Variants in PFN3 observed in about 807,000 individuals in gnomAD.
PFN3 encodes the protein profilin 3.
Under a neutral mutation model 6.2 loss-of-function variants are expected in PFN3, and 7 were observed. The ratio of observed to expected loss-of-function variants is 1.13; its 90% CI spans 0.64 to 2.13. The LOEUF (loss-of-function observed/expected upper bound fraction) is 2.13. Among genes scored for constraint, PFN3 ranks in the 30% most tolerant of loss-of-function variants. The pLI, the probability that PFN3 is intolerant of heterozygous loss-of-function variation, is 0.00. For synonymous variants in PFN3, 112 were observed against 97.7 expected, an observed-to-expected ratio of 1.15 and a Z score of -0.87; for missense variants, 251 against 209.3, an observed-to-expected ratio of 1.20 and a Z score of -1.23.
In PFN3 at chr5:177,400,111, C is replaced by A; in HGVS notation, c.*52G>T. The A allele has an allele frequency of 6.3e-7, 1 of 1,594,434 alleles. No individual in the cohort carries two copies. The highest frequency in any genetic ancestry group is 2.3e-5 in the East Asian group (1 of 44,218). Reference sequence around the variant, plus strand: ...AAGTGGAGGAGGAGCCAGCCGCGCCCAGGTCACAGTTTATTTGGCCCGCGC... The same window carrying A: ...AAGTGGAGGAGGAGCCAGCCGCGCCAAGGTCACAGTTTATTTGGCCCGCGC... On this transcript the variant is annotated 3_prime_UTR_variant, in exon 1 of 1. Transcript: ENST00000358571.
Position 177,400,363 on chromosome 5 carries a change from A to G in PFN3, c.214T>C (p.Cys72Arg), listed in dbSNP as rs1396609027. 6.5e-7 allele frequency: 1 copy of G among 1,537,012 alleles called. No individual in the cohort carries two copies. Among genetic ancestry groups the G allele is most frequent in the East Asian group, 2.5e-5 (1 of 40,104 alleles). ...GCCAGCAGGTGGTCGCGGATGACGC[A>G]GCAGCGGCGGCCCCCCACGCTCAGG... is the stretch of plus-strand genomic sequence containing the variant. ...AGLSVGGRRC[C>R]VIRDHLLAEG... Residue 72 changes from cysteine (C) to arginine (R), a missense_variant, in exon 1 of 1, where the codon TGC (cysteine) becomes CGC (arginine). Coordinates refer to ENST00000358571, the MANE Select transcript of PFN3 (RefSeq NM_001029886.3).
chr5:177,400,411 T>C lies in PFN3; in HGVS notation c.166A>G (p.Arg56Gly), dbSNP rs749386583. The change falls in exon 1 of 1, where the codon AGG (arginine) becomes GGG (glycine). Residue 56 changes from arginine to glycine, a missense_variant. Coordinates refer to ENST00000358571, the MANE Select transcript of PFN3 (RefSeq NM_001029886.3). ...QEVGVLTGPD[R>G]HTFLQAGLSV... ...AGGCCCGCCTGCAGGAAGGTGTGCC[T>C]GTCCGGCCCCGTGAGCACGCCCACC... 3 of 1,540,632 alleles carry C rather than the reference T, an allele frequency of 1.9e-6. No individual in the cohort carries two copies. The highest frequency in any genetic ancestry group is 2.4e-5 in the South Asian group (2 of 84,410).
Position 177,400,556 on chromosome 5 carries a change from G to A in PFN3, c.21C>T (p.Tyr7=), listed in dbSNP as rs929256784. MGDWKV[Y]ISAVLRDQRI... ...GCTGGTCCCGCAGCACTGCACTGAT[G>A]TAGACCTTCCAGTCGCCCATCGCGC... is the stretch of plus-strand genomic sequence containing the variant. The change falls in exon 1 of 1, where the codon TAC becomes TAT. Residue 7 remains tyrosine, a synonymous_variant. Coordinates refer to ENST00000358571, the MANE Select transcript of PFN3 (RefSeq NM_001029886.3). 4 of 1,596,464 alleles carry A rather than the reference G, an allele frequency of 2.5e-6. No homozygotes were observed. Among genetic ancestry groups the A allele is most frequent in the East Asian group, 4.5e-5 (2 of 44,706 alleles).
Position 177,400,393 on chromosome 5 carries a change from C to T in PFN3, c.184G>A (p.Ala62Thr), listed in dbSNP as rs1265352027. ...TGPDRHTFLQ[A>T]GLSVGGRRCC... The stretch of plus-strand genomic sequence containing the variant: ...CGGCGGCCCCCCACGCTCAGGCCCG[C>T]CTGCAGGAAGGTGTGCCTGTCCGGC... Residue 62 changes from alanine to threonine, a missense_variant, in exon 1 of 1, where the codon GCG (alanine) becomes ACG (threonine). Ala to Thr is a moderately conservative substitution (Grantham distance 58, BLOSUM62 0). Coordinates refer to ENST00000358571, the MANE Select transcript of PFN3 (RefSeq NM_001029886.3). 1.1e-5 allele frequency: 17 copies of T among 1,540,368 alleles called. No individual in the cohort carries two copies. The highest frequency in any genetic ancestry group is 1.2e-5 in the Non-Finnish European group (14 of 1,144,816).
chr5:177,400,316 G>T lies in PFN3; in HGVS notation c.261C>A (p.Asp87Glu), dbSNP rs1316968775. 1 of 1,561,618 alleles carries T rather than the reference G, an allele frequency of 6.4e-7. No homozygotes were observed. The highest frequency in any genetic ancestry group is 1.4e-5 in the African/African-American group (1 of 72,234). The change falls in exon 1 of 1, where the codon GAC becomes GAA. Residue 87 changes from aspartate (D) to glutamate (E), a missense_variant. Coordinates refer to ENST00000358571, the MANE Select transcript of PFN3 (RefSeq NM_001029886.3). Reference protein sequence around the residue: ...HLLAEGDGVLDARTKGLDARA... With the variant: ...HLLAEGDGVLEARTKGLDARA... ...GCGCGTCCAGCCCCTTGGTGCGTGC[G>T]TCCAGCACGCCGTCACCCTCGGCCA...
chr5:177,400,482 C>T lies in PFN3; in HGVS notation c.95G>A (p.Trp32Ter), dbSNP rs1434775367. The T allele has an allele frequency of 1.3e-6, 2 of 1,588,276 alleles. No homozygotes were observed. Among genetic ancestry groups the T allele is most frequent in the South Asian group, 2.2e-5 (2 of 89,326 alleles). The change falls in exon 1 of 1, where the codon TGG (tryptophan) becomes TAG (stop). Residue 32 changes from tryptophan to a stop codon, truncating the protein, a stop_gained. Transcript: ENST00000358571. LOFTEE classifies it high-confidence loss of function. Reference sequence around the variant, plus strand: ...CAGCAGGCCCCCGGGCCGCGAAGCCCACACGCAGCTGTTGTCCGCATGGCC... The same window carrying T: ...CAGCAGGCCCCCGGGCCGCGAAGCCTACACGCAGCTGTTGTCCGCATGGCC... ...IVGHADNSCVWASRPGGLLAA... is the reference protein window; with the variant it reads ...IVGHADNSCV
Position 177,400,279 on chromosome 5 carries a change from C to A in PFN3, c.298G>T (p.Val100Leu). ...TKGLDARAVC[V>L]GRAPRALLVL... Reference sequence around the variant, plus strand: ...AGGAGCGCGCGCGGCGCACGGCCCACGCACACGGCGCGCGCGTCCAGCCCC... The same window carrying A: ...AGGAGCGCGCGCGGCGCACGGCCCAAGCACACGGCGCGCGCGTCCAGCCCC... Residue 100 changes from valine (V) to leucine (L), a missense_variant, in exon 1 of 1, where the codon GTG (valine) becomes TTG (leucine). Transcript: ENST00000358571. 1 of 1,599,732 alleles carries A rather than the reference C, an allele frequency of 6.3e-7. No homozygotes were observed. The highest frequency in any genetic ancestry group is 8.5e-7 in the Non-Finnish European group (1 of 1,173,932).
chr5:177,400,537 C>G lies in PFN3; in HGVS notation c.40G>C (p.Asp14His), dbSNP rs965813960. Residue 14 changes from aspartate (D) to histidine (H), a missense_variant, in exon 1 of 1, where the codon GAC becomes CAC. Asp to His is a moderately conservative substitution (Grantham distance 81, BLOSUM62 -1). Transcript: ENST00000358571. Reference sequence around the variant, plus strand: ...ATGGCCACGTCGTCGATGCGCTGGTCCCGCAGCACTGCACTGATGTAGACC... The same window carrying G: ...ATGGCCACGTCGTCGATGCGCTGGTGCCGCAGCACTGCACTGATGTAGACC... Reference protein sequence around the residue: ...WKVYISAVLRDQRIDDVAIVG... With the variant: ...WKVYISAVLRHQRIDDVAIVG... 2.5e-6 allele frequency: 4 copies of G among 1,597,332 alleles called. No individual in the cohort carries two copies. The highest frequency in any genetic ancestry group is 3.3e-5 in the Admixed American group (2 of 59,924).
rs778087809 is a variant in PFN3 at position 177,400,404 on chromosome 5, G to C, written c.173C>G (p.Thr58Ser). 7 of 1,540,642 alleles carry C rather than the reference G, an allele frequency of 4.5e-6. No individual in the cohort carries two copies. In the South Asian group the frequency reaches 8.3e-5, roughly 18 times the overall value. Residue 58 changes from threonine (T) to serine (S), a missense_variant, in exon 1 of 1, where the codon ACC (threonine) becomes AGC (serine). Coordinates refer to ENST00000358571, the MANE Select transcript of PFN3 (RefSeq NM_001029886.3). ...CACGCTCAGGCCCGCCTGCAGGAAGGTGTGCCTGTCCGGCCCCGTGAGCAC... is the reference window on the plus strand; with the variant it reads ...CACGCTCAGGCCCGCCTGCAGGAAGCTGTGCCTGTCCGGCCCCGTGAGCAC... Reference protein sequence around the residue: ...VGVLTGPDRHTFLQAGLSVGG... With the variant: ...VGVLTGPDRHSFLQAGLSVGG...
chr5:177,400,130 C>T lies in PFN3; in HGVS notation c.*33G>A. The T allele has an allele frequency of 6.2e-7, 1 of 1,605,758 alleles. No individual in the cohort carries two copies. Among genetic ancestry groups the T allele is most frequent in the African/African-American group, 1.3e-5 (1 of 74,550 alleles). The stretch of plus-strand genomic sequence containing the variant: ...CGCGCCCAGGTCACAGTTTATTTGG[C>T]CCGCGCTACCAGTGGGCGGCCTGGC... On this transcript the variant is annotated 3_prime_UTR_variant, in exon 1 of 1. Transcript: ENST00000358571.
rs905333027 is a variant in PFN3 at position 177,400,340 on chromosome 5, C to T, written c.237G>A (p.Leu79=). 1.3e-6 allele frequency: 2 copies of T among 1,538,682 alleles called. No homozygotes were observed. The highest frequency in any genetic ancestry group is 1.7e-6 in the Non-Finnish European group (2 of 1,144,066). Residue 79 remains leucine (L), a synonymous_variant, in exon 1 of 1, where the codon CTG becomes CTA. Transcript: ENST00000358571. The stretch of plus-strand genomic sequence containing the variant: ...CGTCCAGCACGCCGTCACCCTCGGC[C>T]AGCAGGTGGTCGCGGATGACGCAGC... ...RRCCVIRDHL[L]AEGDGVLDAR...
rs1290853593 is a variant in PFN3 at position 177,400,294 on chromosome 5, C to A, written c.283G>T (p.Ala95Ser). The part of the protein sequence containing the change: ...VLDARTKGLD[A>S]RAVCVGRAPR... ...GCACGGCCCACGCACACGGCGCGCG[C>A]GTCCAGCCCCTTGGTGCGTGCGTCC... The change falls in exon 1 of 1, where the codon GCG (alanine) becomes TCG (serine). Residue 95 changes from alanine to serine, a missense_variant. Physicochemically the swap from Ala to Ser is moderately conservative, Grantham distance 99 (BLOSUM62 1). Coordinates refer to ENST00000358571, the MANE Select transcript of PFN3 (RefSeq NM_001029886.3). 6.3e-7 allele frequency: 1 copy of A among 1,588,190 alleles called. No homozygotes were observed. Among genetic ancestry groups the A allele is most frequent in the African/African-American group, 1.4e-5 (1 of 73,812 alleles).
Position 177,400,371 on chromosome 5 carries a change from C to T in PFN3, c.206G>A (p.Arg69His). The change falls in exon 1 of 1, where the codon CGC (arginine) becomes CAC (histidine). Residue 69 changes from arginine to histidine, a missense_variant. Physicochemically the swap from Arg to His is conservative, Grantham distance 29. Transcript: ENST00000358571. The part of the protein sequence containing the change: ...FLQAGLSVGG[R>H]RCCVIRDHLL... ...GTGGTCGCGGATGACGCAGCAGCGG[C>T]GGCCCCCCACGCTCAGGCCCGCCTG... 6.5e-7 allele frequency: 1 copy of T among 1,536,004 alleles called. No homozygotes were observed. The highest frequency in any genetic ancestry group is 1.2e-5 in the South Asian group (1 of 82,966).
chr5:177,400,646 T>G lies in PFN3; in HGVS notation c.-70A>C, dbSNP rs1209876510. ...ATAGAGGCGCCACGCGGGGAAGGCC[T>G]GCGGCGCTGTGAGGCAGGCTGGGCG... On this transcript the variant is annotated 5_prime_UTR_variant, in exon 1 of 1. Coordinates refer to ENST00000358571, the MANE Select transcript of PFN3 (RefSeq NM_001029886.3). The G allele has an allele frequency of 3.3e-6, 5 of 1,518,378 alleles. No homozygotes were observed. Among genetic ancestry groups the G allele is most frequent in the Non-Finnish European group, 4.4e-6 (5 of 1,136,176 alleles). 94.1% of individuals were successfully genotyped at this position (1,518,378 alleles called of 1,614,324 possible).
rs1763093601 is a variant in PFN3 at position 177,400,262 on chromosome 5, G to A, written c.315C>T (p.Arg105=). ...GTCGGCCCATTAGCACCAGGAGCGC[G>A]CGCGGCGCACGGCCCACGCACACGG... is the stretch of plus-strand genomic sequence containing the variant. The part of the protein sequence containing the change: ...ARAVCVGRAP[R]ALLVLMGRRG... The change falls in exon 1 of 1, where the codon CGC becomes CGT. Residue 105 remains arginine (R), a synonymous_variant. Coordinates refer to ENST00000358571, the MANE Select transcript of PFN3 (RefSeq NM_001029886.3). 1 of 1,608,770 alleles carries A rather than the reference G, an allele frequency of 6.2e-7. No individual in the cohort carries two copies.
Position 177,400,636 on chromosome 5 carries a change from G to C in PFN3, c.-60C>G. 3.2e-6 allele frequency: 5 copies of C among 1,544,228 alleles called. No individual in the cohort carries two copies. The highest frequency in any genetic ancestry group is 4.3e-6 in the Non-Finnish European group (5 of 1,151,162). ...TCGGGGAAATATAGAGGCGCCACGC[G>C]GGGAAGGCCTGCGGCGCTGTGAGGC... On this transcript the variant is annotated 5_prime_UTR_variant, in exon 1 of 1. Transcript: ENST00000358571.
chr5:177,400,410 C>G lies in PFN3; in HGVS notation c.167G>C (p.Arg56Thr), dbSNP rs1763102695. The G allele has an allele frequency of 6.5e-7, 1 of 1,540,196 alleles. No individual in the cohort carries two copies. The highest frequency in any genetic ancestry group is 1.2e-5 in the South Asian group (1 of 84,370). Reference protein sequence around the residue: ...QEVGVLTGPDRHTFLQAGLSV... With the variant: ...QEVGVLTGPDTHTFLQAGLSV... ...CAGGCCCGCCTGCAGGAAGGTGTGCCTGTCCGGCCCCGTGAGCACGCCCAC... is the reference window on the plus strand; with the variant it reads ...CAGGCCCGCCTGCAGGAAGGTGTGCGTGTCCGGCCCCGTGAGCACGCCCAC... Residue 56 changes from arginine to threonine, a missense_variant, in exon 1 of 1, where the codon AGG becomes ACG. Physicochemically the swap from Arg to Thr is moderately conservative, Grantham distance 71. Transcript: ENST00000358571.
rs1763091183 is a variant in PFN3, at chr5:177,400,218, A to C, written c.359T>G (p.Ile120Ser). 6.2e-7 allele frequency: 1 copy of C among 1,611,864 alleles called. No homozygotes were observed. Among genetic ancestry groups the C allele is most frequent in the Non-Finnish European group, 8.5e-7 (1 of 1,179,550 alleles). Residue 120 changes from isoleucine (I) to serine (S), a missense_variant, in exon 1 of 1, where the codon ATC (isoleucine) becomes AGC (serine). Coordinates refer to ENST00000358571, the MANE Select transcript of PFN3 (RefSeq NM_001029886.3). ...GAGTTCGTGCACCGTCTTGTTGAGG[A>C]TGCCCCCATGTACGCCGCGTCGGCC... ...LMGRRGVHGGILNKTVHELIR... is the reference protein window; with the variant it reads ...LMGRRGVHGGSLNKTVHELIR...
rs774626444 is a variant in PFN3 at position 177,400,136 on chromosome 5, C to T, written c.*27G>A. On this transcript the variant is annotated 3_prime_UTR_variant, in exon 1 of 1. Transcript: ENST00000358571. ...CAGGTCACAGTTTATTTGGCCCGCG[C>T]TACCAGTGGGCGGCCTGGCTGGCCG... 3.7e-5 allele frequency: 60 copies of T among 1,608,778 alleles called. No homozygotes were observed. The highest frequency in any genetic ancestry group is 4.9e-5 in the Non-Finnish European group (58 of 1,178,208).
Sources: gnomAD v4.1 joint callset for allele counts on GRCh38, gnomAD v4.1.1 for gene constraint, MANE v1.5 for transcripts, NCBI Gene and HGNC (gene_info 2026-07-23, HGNC 2026-07-21) for gene names.